Variants in RIMS1 observed in about 807,000 individuals in gnomAD.
RIMS1 encodes the protein regulating synaptic membrane exocytosis protein 1.
RIMS1 carries 83 observed loss-of-function variants against 214.1 expected under a neutral mutation model. The ratio of observed to expected loss-of-function variants is 0.39; its 90% CI spans 0.32 to 0.47. RIMS1 has a LOEUF of 0.47. Among genes scored for constraint, RIMS1 ranks in the 20% least tolerant of loss-of-function variants. RIMS1 has a pLI of 0.99. For synonymous variants in RIMS1, 793 were observed against 786.8 expected, an observed-to-expected ratio of 1.01 and a Z score of -0.13; for missense variants, 2,050 against 2,161.8, an observed-to-expected ratio of 0.95 and a Z score of 1.03.
chr6:72,101,429 G>C (rs947046245), intron 4 of RIMS1, among the ~76,000 whole-genome samples: 9 of 151,858 alleles, frequency 5.9e-5, no homozygotes, highest in African/African-American at 2.2e-4. Context: ...TCAATGAATG[G>C]CCTTTCTAGC....
chr6:72,036,655 C>T (rs1450171540), intron 2 of RIMS1, among the ~76,000 whole-genome samples: 1 of 149,278 alleles, frequency 6.7e-6, no homozygotes, highest in East Asian at 1.9e-4. Context: ...ATATTAGCAG[C>T]AACCACATAT....
intron 4 of RIMS1, among the ~76,000 whole-genome samples, chr6:72,125,813 C>T (rs529435610): frequency 2.0e-5 from 3 of 152,298 alleles, no homozygotes; most frequent in East Asian, 3.9e-4. Context: ...GATATAATCT[C>T]CTGGTGTGCT....
intron 7 of RIMS1, among the ~76,000 whole-genome samples, chr6:72,235,382 T>C (rs2063603474): frequency 1.3e-5 from 2 of 152,054 alleles, no homozygotes; most frequent in Non-Finnish European, 2.9e-5. Context: ...TCTATTATCC[T>C]CTATTTTACT....
At chr6:71,991,713 TG>T (rs2151609066) in intron 2 of RIMS1, among the ~76,000 whole-genome samples, 1 of 152,338 alleles carries the variant, frequency 6.6e-6, no homozygotes, top group Admixed American at 6.5e-5. Context: ...GAAGTACAAA[TG>T]TATTGTTATG....
At chr6:72,276,792 A>G (rs1194231397) in intron 23 of RIMS1, among the ~76,000 whole-genome samples, 1 of 152,202 alleles carries the variant, frequency 6.6e-6, no homozygotes, top group East Asian at 1.9e-4. Flanking sequence ...CATAGGTTAT[A>G]TGTCAACCAC....
In RIMS1 at chr6:72,146,349, T is replaced by A. The variant is rs751609108; in HGVS notation, c.472-33226T>A. Reference sequence around the variant, plus strand: ...ACAAAAATCTTTCATTATCCTTTTATGTTACACGAAAATCTTGTTCAAGAG... The same window carrying A: ...ACAAAAATCTTTCATTATCCTTTTAAGTTACACGAAAATCTTGTTCAAGAG... On this transcript the variant is annotated intron_variant, in intron 4 of 33. Transcript: ENST00000521978. Among the ~76,000 whole-genome samples, 184 of 152,354 alleles carry A rather than the reference T, an allele frequency of 1.2e-3. 1 individual carries two copies. Among genetic ancestry groups the A allele is most frequent in the Non-Finnish European group, 1.5e-4 (10 of 68,044 alleles).
chr6:72,093,229 A>ATATATATATATATATATATATATAT (rs1562294511), intron 2 of RIMS1, among the ~76,000 whole-genome samples: 7 of 82,666 alleles, frequency 8.5e-5, no homozygotes, highest in South Asian at 8.6e-4. Context: ...TATATATATA[A>ATATATATATATATATATATATATAT]AAACATGTGT....
intron 2 of RIMS1, among the ~76,000 whole-genome samples, chr6:72,023,518 A>G (rs932811378): frequency 1.3e-5 from 2 of 152,094 alleles, no homozygotes; most frequent in African/African-American, 4.8e-5. Context: ...CTTATTTGAT[A>G]AAACTTTTTT....
intron 27 of RIMS1, among the ~76,000 whole-genome samples, chr6:72,311,542 C>T (rs942343142): frequency 6.6e-6 from 1 of 152,072 alleles, no homozygotes; most frequent in Non-Finnish European, 1.5e-5. Flanking sequence ...GATATAATAA[C>T]ATATGAATTT....
chr6:72,225,321 A>T (rs1387501052), intron 6 of RIMS1, among the ~76,000 whole-genome samples: 1 of 152,134 alleles, frequency 6.6e-6, no homozygotes, highest in Admixed American at 6.6e-5. Context: ...CTTAAAATTC[A>T]TCTTTATTAT....
In RIMS1 at chr6:72,075,277, C is replaced by CA. The variant is rs201278652; in HGVS notation, c.246-21664dup. ...AAAAAACAAAACAAAACAAAACAAA[C>CA]AAAAAAAACGTGTAGAGAGAGTGTC... On this transcript the variant is annotated intron_variant, in intron 2 of 33. Transcript: ENST00000521978. Among the ~76,000 whole-genome samples, 952 of 151,658 alleles carry CA rather than the reference C, an allele frequency of 6.3e-3. 10 individuals are homozygous for CA. Among genetic ancestry groups the CA allele is most frequent in the African/African-American group, 0.02 (832 of 41,354 alleles).
intron 31 of RIMS1, among the ~76,000 whole-genome samples, chr6:72,393,731 A>G (rs998783936): frequency 2.1e-5 from 3 of 145,970 alleles, no homozygotes; most frequent in Admixed American, 2.1e-4. Context: ...CGTCTCCAAG[A>G]AAAAAAAAAA....
At chr6:72,367,525 G>C (rs960855585) in intron 29 of RIMS1, among the ~76,000 whole-genome samples, 1 of 152,112 alleles carries the variant, frequency 6.6e-6, no homozygotes, top group Non-Finnish European at 1.5e-5. Context: ...TTCAAAAATA[G>C]ATTTATTTTG....
chr6:72,163,613 C>T lies in RIMS1; in HGVS notation c.472-15962C>T, dbSNP rs1366767936. On this transcript the variant is annotated intron_variant, in intron 4 of 33. Transcript: ENST00000521978. ...TTTTCCTTTTAGCAGGCAAGACCCT[C>T]AGCTGCAGGTCTGTTGGAGTTTGCT... 9.2e-5 allele frequency among the ~76,000 whole-genome samples: 13 copies of T among 141,006 alleles called. 3 individuals are homozygous for T. The highest frequency in any genetic ancestry group is 1.3e-4 in the Non-Finnish European group (8 of 62,052). 92.5% of individuals were successfully genotyped at this position (141,006 alleles called of 152,430 possible).
At chr6:72,396,461 A>C (rs774118280) in intron 31 of RIMS1, among the ~76,000 whole-genome samples, 1 of 152,324 alleles carries the variant, frequency 6.6e-6, no homozygotes, top group Admixed American at 6.5e-5. Flanking sequence ...ATAAAAATGT[A>C]GATGTGCTGT....
rs1031374453 is a variant in RIMS1 at position 71,886,960 on chromosome 6, G to A, written c.-64G>A. On this transcript the variant is annotated 5_prime_UTR_variant, in exon 1 of 34. Coordinates refer to ENST00000521978, the MANE Select transcript of RIMS1 (RefSeq NM_014989.7). ...GTGAGGGGGAAGCAGGGGCGCAGCT[G>A]CTGGGCGTGCATCCGAAAGGTGAGA... 55 of 1,561,716 alleles carry A rather than the reference G, an allele frequency of 3.5e-5. No homozygotes were observed. Among genetic ancestry groups the A allele is most frequent in the Non-Finnish European group, 4.7e-5 (54 of 1,148,156 alleles).
Position 72,262,826 on chromosome 6 carries a change from A to G in RIMS1, c.3116+2059A>G, listed in dbSNP as rs531945064. 5 of 716,118 alleles carry G rather than the reference A, an allele frequency of 7.0e-6. No homozygotes were observed. In the South Asian group the frequency reaches 2.0e-4, roughly 28 times the overall value. 44.4% of individuals were successfully genotyped at this position (716,118 alleles called of 1,614,324 possible). On this transcript the variant is annotated intron_variant, in intron 19 of 33. Coordinates refer to ENST00000521978, the MANE Select transcript of RIMS1 (RefSeq NM_014989.7). ...AAAATACATCATACCATGTTCACTT[A>G]GGACTTATAAAAATAAAATCTGAGG...
At chr6:72,373,198 T>A (rs1003734994) in intron 29 of RIMS1, among the ~76,000 whole-genome samples, 1 of 152,234 alleles carries the variant, frequency 6.6e-6, no homozygotes, top group African/African-American at 2.4e-5. Flanking sequence ...AATGGATCAA[T>A]TTAACCCACC....
chr6:72,011,223 TGAA>T (rs1810457637), intron 2 of RIMS1, among the ~76,000 whole-genome samples: 1 of 152,132 alleles, frequency 6.6e-6, no homozygotes, highest in Non-Finnish European at 1.5e-5. Flanking sequence ...AAACAAGAAA[TGAA>T]GAAAGGATTC....
Sources: allele counts gnomAD v4.1 joint callset (sites outside exome capture counted in the v4.1 genomes callset), GRCh38; gene constraint gnomAD v4.1.1; transcripts MANE v1.5; gene names NCBI Gene and HGNC (gene_info 2026-07-23, HGNC 2026-07-21).